Variants in CNTN5 observed in about 807,000 individuals in gnomAD.
CNTN5 encodes contactin 5.
Under a neutral mutation model 129.1 loss-of-function variants are expected in CNTN5, and 77 were observed. The observed-to-expected ratio is 0.60, with a 90% CI of 0.50 to 0.72. The LOEUF (loss-of-function observed/expected upper bound fraction) is 0.72, where lower values mean the gene tolerates loss of function less well. CNTN5 is among the 30% of genes least tolerant of loss of function. CNTN5 has a pLI of 0.00. For missense variants in CNTN5, 1,478 were observed against 1,328.8 expected (o/e 1.11, Z -1.75); for synonymous variants, 509 against 465.6 (o/e 1.09, Z -1.20).
chr11:99,312,040 G>A (rs80235314), intron 1 of CNTN5, among the ~76,000 whole-genome samples: 2 of 152,206 alleles, frequency 1.3e-5, no homozygotes, highest in African/African-American at 4.8e-5. Context: ...TAAATTTCAA[G>A]TGGCCACAAA....
intron 2 of CNTN5, among the ~76,000 whole-genome samples, chr11:99,528,130 C>A (rs1947558145): frequency 6.6e-6 from 1 of 152,050 alleles, no homozygotes. Context: ...ACTATCCTAA[C>A]CTTGAAAGAT....
intron 6 of CNTN5, 102 bp downstream of exon 6, chr11:99,845,364 A>ATATTTTTTTTTTTTTTTTTTTTTT (rs1947653236): frequency 4.2e-6 from 1 of 239,332 alleles, no homozygotes; most frequent in South Asian, 1.4e-4. Flanking sequence ...AAGATCTCAA[A>ATATTTTTTTTTTTTTTTTTTTTTT]TCTTTTTTTT....
intron 10 of CNTN5, among the ~76,000 whole-genome samples, chr11:100,064,298 C>A (rs1943606778): frequency 6.6e-6 from 1 of 152,138 alleles, no homozygotes; most frequent in Non-Finnish European, 1.5e-5. Context: ...TCTAAGGCAG[C>A]ATTTCTAGTC....
chr11:99,118,414 T>C (rs552636375), intron 1 of CNTN5, among the ~76,000 whole-genome samples: 9 of 152,154 alleles, frequency 5.9e-5, no homozygotes, highest in Non-Finnish European at 1.3e-4. Flanking sequence ...ACTTTAATAC[T>C]GTTAATCAGT....
intron 1 of CNTN5, among the ~76,000 whole-genome samples, chr11:99,175,182 C>T (rs756568924): frequency 1.2e-4 from 18 of 151,978 alleles, no homozygotes; most frequent in East Asian, 3.9e-4. Context: ...TGTAGTAAGC[C>T]GAGATCATGC....
intron 2 of CNTN5, among the ~76,000 whole-genome samples, chr11:99,514,555 T>G (rs539556176): frequency 6.6e-6 from 1 of 152,160 alleles, no homozygotes; most frequent in South Asian, 2.1e-4. Context: ...GAACTACTAA[T>G]CTTGTCATCC....
At chr11:100,089,633 A>G (rs191638712) in intron 13 of CNTN5, among the ~76,000 whole-genome samples, 422 of 152,290 alleles carry the variant, frequency 2.8e-3, no homozygotes, top group Non-Finnish European at 5.3e-3. Flanking sequence ...TAGCAAATAC[A>G]TGGAATCAAA....
At chr11:99,307,149 C>T (rs1307115937) in intron 1 of CNTN5, among the ~76,000 whole-genome samples, 2 of 152,068 alleles carry the variant, frequency 1.3e-5, no homozygotes, top group Admixed American at 6.6e-5. Flanking sequence ...AAATATTTTC[C>T]TAGTGCCTCA....
At chr11:99,647,276 G>A (rs572659822) in intron 3 of CNTN5, among the ~76,000 whole-genome samples, 50 of 152,036 alleles carry the variant, frequency 3.3e-4, no homozygotes, top group African/African-American at 1.1e-3. Context: ...AATTTTCCCC[G>A]AACTGTTTTT....
intron 1 of CNTN5, among the ~76,000 whole-genome samples, chr11:99,145,641 T>G (rs1859747268): frequency 6.6e-6 from 1 of 152,166 alleles, no homozygotes. Flanking sequence ...TTTTATTCTA[T>G]TTATCTCTCC....
rs892882755 is a variant in CNTN5, at chr11:100,029,813, T to G, written c.980+27677T>G. Among the ~76,000 whole-genome samples, 4 of 152,274 alleles carry G rather than the reference T, an allele frequency of 2.6e-5. No individual in the cohort carries two copies. The South Asian group carries it at 6.2e-4, about 24-fold the overall frequency. On this transcript the variant is annotated intron_variant, in intron 9 of 24. Coordinates refer to ENST00000524871, the MANE Select transcript of CNTN5 (RefSeq NM_014361.4). The stretch of plus-strand genomic sequence containing the variant: ...AGTTTAATTTTAAACAGTTAAAGAT[T>G]GGGAATGAATCTTTACAGCCCTCTC...
At chr11:100,119,605 A>C (rs1945949430) in intron 13 of CNTN5, among the ~76,000 whole-genome samples, 1 of 151,946 alleles carries the variant, frequency 6.6e-6, no homozygotes, top group South Asian at 2.1e-4. Context: ...GGCAGTATCT[A>C]TTTAATAAGC....
intron 13 of CNTN5, among the ~76,000 whole-genome samples, chr11:100,155,214 G>A (rs1012190669): frequency 2.6e-5 from 4 of 152,174 alleles, no homozygotes. Flanking sequence ...GTAAGGAAGG[G>A]GTCCAGTTTT....
In CNTN5 at chr11:100,356,280, G is replaced by A; in HGVS notation, c.*60G>A. Reference sequence around the variant, plus strand: ...GCTTGGTAACAGCGGTGAATAGAGTGTAGTGTAAGTGGAGAACCAGGATCC... The same window carrying A: ...GCTTGGTAACAGCGGTGAATAGAGTATAGTGTAAGTGGAGAACCAGGATCC... On this transcript the variant is annotated 3_prime_UTR_variant, in exon 25 of 25. Coordinates refer to ENST00000524871, the MANE Select transcript of CNTN5 (RefSeq NM_014361.4). 3.6e-6 allele frequency: 4 copies of A among 1,124,594 alleles called. No individual in the cohort carries two copies. The highest frequency in any genetic ancestry group is 1.3e-5 in the South Asian group (1 of 76,202). The allele number at this position is 1,124,594 out of a possible 1,614,324, so 69.7% of individuals were successfully genotyped here. A position where few individuals can be genotyped will look rare whatever the true frequency, so the allele number is the denominator to read the frequency against.
At chr11:99,946,657 C>A (rs1225194712) in intron 7 of CNTN5, among the ~76,000 whole-genome samples, 2 of 151,968 alleles carry the variant, frequency 1.3e-5, no homozygotes, top group South Asian at 4.1e-4. Context: ...ACCTTTCATC[C>A]ATGTATCCAT....
At chr11:99,284,600 GGTGTGTGT>G (rs71046675) in intron 1 of CNTN5, among the ~76,000 whole-genome samples, 19,755 of 124,490 alleles carry the variant, frequency 0.16, 1,888 homozygotes, top group Middle Eastern at 0.22. Flanking sequence ...AGAGATGAGT[GGTGTGTGT>G]GTGTGTGTGT....
chr11:99,498,033 T>A (rs1031598249), intron 2 of CNTN5, among the ~76,000 whole-genome samples: 1 of 152,172 alleles, frequency 6.6e-6, no homozygotes, highest in Non-Finnish European at 1.5e-5. Flanking sequence ...TGTTCAGGCG[T>A]ATAGTCTTGC....
At chr11:99,032,538 T>C (rs1177249421) in intron 1 of CNTN5, among the ~76,000 whole-genome samples, 3 of 152,038 alleles carry the variant, frequency 2.0e-5, no homozygotes, top group African/African-American at 7.2e-5. Context: ...CATTTTTTCA[T>C]GTGTTTTTTG....
At chr11:100,047,144 A>T (rs920094904) in intron 9 of CNTN5, among the ~76,000 whole-genome samples, 3 of 151,988 alleles carry the variant, frequency 2.0e-5, no homozygotes, top group Non-Finnish European at 4.4e-5. Flanking sequence ...ACTAAGAAAA[A>T]CTAGTAGAGA....
Sources: allele counts gnomAD v4.1 joint callset (sites outside exome capture counted in the v4.1 genomes callset), GRCh38; gene constraint gnomAD v4.1.1; transcripts MANE v1.5; gene names NCBI Gene and HGNC (gene_info 2026-07-23, HGNC 2026-07-21).